NKAIN2: variants seen among roughly 807,000 people sequenced by gnomAD.
NKAIN2 encodes the protein sodium/potassium-transporting ATPase subunit beta-1-interacting protein 2.
Under a neutral mutation model 32.6 loss-of-function variants are expected in NKAIN2, and 14 were observed. That is an observed-to-expected ratio of 0.43 (90% CI 0.28 to 0.67). The LOEUF (loss-of-function observed/expected upper bound fraction) is 0.67. NKAIN2 is among the 30% of genes least tolerant of loss of function. The probability of loss-of-function intolerance (pLI) is 0.17; values close to 1 mark genes in which losing one functional copy is unlikely to be tolerated. For synonymous variants in NKAIN2, 80 were observed against 87.2 expected (o/e 0.92, Z 0.46); for missense variants, 198 against 258.3 (o/e 0.77, Z 1.60).
chr6:124,078,786 TTGTGTGTG>T lies in NKAIN2; in HGVS notation c.55-204185_55-204178del, dbSNP rs71021477. Among the ~76,000 whole-genome samples, 114 of 144,732 alleles carry T rather than the reference TTGTGTGTG, an allele frequency of 7.9e-4. 1 individual carries two copies. Among genetic ancestry groups the T allele is most frequent in the South Asian group, 5.6e-3 (25 of 4,442 alleles). The allele number at this position is 144,732 out of a possible 152,430, so 94.9% of individuals were successfully genotyped here. On this transcript the variant is annotated intron_variant, in intron 1 of 6. Coordinates refer to ENST00000368417, the MANE Select transcript of NKAIN2 (RefSeq NM_001040214.3). ...CAAGCCAAAAATGGCTATGTCGTTT[TTGTGTGTG>T]TGTGTGTGTGTGTGTGTGTGTGTGT...
chr6:124,361,013 A>G (rs192856367), intron 3 of NKAIN2, among the ~76,000 whole-genome samples: 10 of 152,118 alleles, frequency 6.6e-5, no homozygotes, highest in African/African-American at 2.4e-4. Flanking sequence ...CCTTGATCAT[A>G]TATCAAATAG....
At chr6:123,957,519 G>A (rs967270418) in intron 1 of NKAIN2, among the ~76,000 whole-genome samples, 3 of 152,138 alleles carry the variant, frequency 2.0e-5, no homozygotes, top group African/African-American at 4.8e-5. Flanking sequence ...AACAGATCTA[G>A]ATCAAACAAA....
rs185396724 is a variant in NKAIN2 at position 124,223,203 on chromosome 6, A to G, written c.55-59802A>G. Among the ~76,000 whole-genome samples the G allele has an allele frequency of 6.4e-3, 756 of 117,648 alleles. 5 individuals carry two copies. Among genetic ancestry groups the G allele is most frequent in the Middle Eastern group, 0.01 (2 of 194 alleles). The allele number at this position is 117,648 out of a possible 152,430, so 77.2% of individuals were successfully genotyped here. A position where few individuals can be genotyped will look rare whatever the true frequency, so the allele number is the denominator to read the frequency against. ...ACTCCAGCCTGGGCGACAGTGTGAG[A>G]CTCCATCTCAAAAAAAAAAAAAAAA... On this transcript the variant is annotated intron_variant, in intron 1 of 6. Coordinates refer to ENST00000368417, the MANE Select transcript of NKAIN2 (RefSeq NM_001040214.3).
At chr6:124,479,123 A>G (rs1777347072) in intron 3 of NKAIN2, among the ~76,000 whole-genome samples, 1 of 152,200 alleles carries the variant, frequency 6.6e-6, no homozygotes, top group Non-Finnish European at 1.5e-5. Flanking sequence ...ATCAAAAGCA[A>G]GGAAATCTGA....
intron 1 of NKAIN2, among the ~76,000 whole-genome samples, chr6:123,938,538 T>C (rs1446059421): frequency 7.1e-6 from 1 of 140,666 alleles, no homozygotes; most frequent in African/African-American, 2.6e-5. Context: ...TTATATTTTT[T>C]ATATATTATA....
chr6:124,376,605 G>T (rs62434749), intron 3 of NKAIN2, among the ~76,000 whole-genome samples: 1 of 152,106 alleles, frequency 6.6e-6, no homozygotes, highest in African/African-American at 2.4e-5. Context: ...CAGAGAACAT[G>T]TGACAAGTAT....
intron 1 of NKAIN2, among the ~76,000 whole-genome samples, chr6:124,172,819 C>A (rs1045170888): frequency 9.2e-5 from 14 of 151,976 alleles, no homozygotes; most frequent in African/African-American, 3.4e-4. Context: ...TTATAAACAT[C>A]TTTACATTAA....
intron 4 of NKAIN2, among the ~76,000 whole-genome samples, chr6:124,698,861 C>T (rs2114561443): frequency 6.6e-6 from 1 of 152,238 alleles, no homozygotes; most frequent in Non-Finnish European, 1.5e-5. Context: ...TTATGCATCC[C>T]ATAGTTTTGT....
At chr6:124,540,343 A>G (rs1779866326) in intron 3 of NKAIN2, among the ~76,000 whole-genome samples, 1 of 152,268 alleles carries the variant, frequency 6.6e-6, no homozygotes, top group Non-Finnish European at 1.5e-5. Flanking sequence ...ATGGGTCTAC[A>G]TCAGCTGATT....
intron 3 of NKAIN2, among the ~76,000 whole-genome samples, chr6:124,572,315 T>C (rs1231430740): frequency 8.5e-5 from 13 of 152,212 alleles, no homozygotes; most frequent in Admixed American, 7.9e-4. Context: ...GTTCAACCAG[T>C]ATGTAGACAT....
intron 1 of NKAIN2, among the ~76,000 whole-genome samples, chr6:123,956,005 T>A (rs1254692484): frequency 6.6e-6 from 1 of 152,212 alleles, no homozygotes; most frequent in Non-Finnish European, 1.5e-5. Context: ...CTGGATGCAT[T>A]ATTTTAAAAA....
intron 1 of NKAIN2, among the ~76,000 whole-genome samples, chr6:124,073,522 CAA>C (rs984526864): frequency 2.0e-5 from 3 of 152,096 alleles, no homozygotes; most frequent in Non-Finnish European, 2.9e-5. Flanking sequence ...GAGAGTTCTA[CAA>C]AGAGTCATAG....
chr6:124,226,238 T>C (rs1240140431), intron 1 of NKAIN2, among the ~76,000 whole-genome samples: 1 of 152,090 alleles, frequency 6.6e-6, no homozygotes, highest in East Asian at 1.9e-4. Flanking sequence ...TTGACAGTCT[T>C]CTAGTGATAG....
At chr6:124,011,579 C>A (rs922185789) in intron 1 of NKAIN2, among the ~76,000 whole-genome samples, 8 of 152,232 alleles carry the variant, frequency 5.3e-5, no homozygotes, top group East Asian at 3.9e-4. Context: ...ATATATTGAG[C>A]CTCCCAAACT....
intron 3 of NKAIN2, among the ~76,000 whole-genome samples, chr6:124,464,192 T>A (rs2114654843): frequency 1.3e-5 from 2 of 152,206 alleles, no homozygotes; most frequent in East Asian, 3.9e-4. Flanking sequence ...TTTGTCACAT[T>A]GGCCAGAGTG....
At chr6:123,884,228 T>C (rs1190345422) in intron 1 of NKAIN2, among the ~76,000 whole-genome samples, 2 of 152,162 alleles carry the variant, frequency 1.3e-5, no homozygotes, top group African/African-American at 2.4e-5. Flanking sequence ...TTTCTGTTCC[T>C]GTTGTAATGG....
intron 3 of NKAIN2, among the ~76,000 whole-genome samples, chr6:124,429,503 A>G (rs904181633): frequency 6.6e-6 from 1 of 152,166 alleles, no homozygotes; most frequent in Non-Finnish European, 1.5e-5. Flanking sequence ...CTAGCCACTC[A>G]GTTCTATCAA....
At chr6:124,290,449 T>G (rs978938738) in intron 2 of NKAIN2, among the ~76,000 whole-genome samples, 2 of 151,866 alleles carry the variant, frequency 1.3e-5, no homozygotes, top group African/African-American at 4.8e-5. Context: ...AAAACTTCCT[T>G]TCCATACTCT....
chr6:124,359,770 C>A (rs562536380), intron 3 of NKAIN2, among the ~76,000 whole-genome samples: 2 of 152,148 alleles, frequency 1.3e-5, no homozygotes, highest in Non-Finnish European at 2.9e-5. Context: ...TTATTTGCTT[C>A]TCCTGCCTGA....
Sources: allele counts gnomAD v4.1 joint callset (sites outside exome capture counted in the v4.1 genomes callset), GRCh38; gene constraint gnomAD v4.1.1; transcripts MANE v1.5; gene names NCBI Gene and HGNC (gene_info 2026-07-23, HGNC 2026-07-21).